Variants in EVC observed in about 807,000 individuals in gnomAD.
EVC encodes the protein evC complex member EVC.
EVC carries 116 observed loss-of-function variants against 118.9 expected under a neutral mutation model. That is an observed-to-expected ratio of 0.98 (90% CI 0.84 to 1.14). EVC has a LOEUF of 1.14. Among genes scored for constraint, EVC ranks in the 50% most tolerant of loss-of-function variants. The pLI is 0.00. For synonymous variants in EVC, 619 were observed against 534.7 expected, an observed-to-expected ratio of 1.16 and a Z score of -2.18; for missense variants, 1,401 against 1,246.4, an observed-to-expected ratio of 1.12 and a Z score of -1.87.
chr4:5,763,554 G>C lies in EVC; in HGVS notation c.1563+7192G>C, dbSNP rs1319600010. On this transcript the variant is annotated intron_variant, in intron 11 of 20. Coordinates refer to ENST00000264956, the MANE Select transcript of EVC (RefSeq NM_153717.3). ...ATGAGCATGGAATGTTCTTCCATTT[G>C]TTTGTATCCTCTTTTATTTCATTGA... Among the ~76,000 whole-genome samples the C allele has an allele frequency of 1.5e-3, 209 of 138,156 alleles. 5 individuals carry two copies. Among genetic ancestry groups the C allele is most frequent in the African/African-American group, 5.3e-3 (192 of 35,926 alleles). The allele number at this position is 138,156 out of a possible 152,430, so 90.6% of individuals were successfully genotyped here. A position where few individuals can be genotyped will look rare whatever the true frequency, so the allele number is the denominator to read the frequency against.
Position 5,795,006 on chromosome 4 carries a change from T to C in EVC, c.1886+1289T>C, listed in dbSNP as rs144876027. 2.4e-3 allele frequency among the ~76,000 whole-genome samples: 364 copies of C among 152,316 alleles called. 1 individual carries two copies. The highest frequency in any genetic ancestry group is 8.5e-3 in the African/African-American group (354 of 41,574). ...CAGTATTTGGTTTTCTGTGTCTACA[T>C]TAATTTCCTTACGATAATGGCTTCC... is the stretch of plus-strand genomic sequence containing the variant. On this transcript the variant is annotated intron_variant, in intron 13 of 20. Coordinates refer to ENST00000264956, the MANE Select transcript of EVC (RefSeq NM_153717.3).
At chr4:5,724,725 A>C (rs1348166880) in intron 2 of EVC, among the ~76,000 whole-genome samples, 1 of 150,098 alleles carries the variant, frequency 6.7e-6, no homozygotes, top group African/African-American at 2.5e-5. Flanking sequence ...ACTTCTTGAA[A>C]CCTTTTCTTC....
At chr4:5,785,518 C>A (rs1223726540) in intron 12 of EVC, among the ~76,000 whole-genome samples, 1 of 152,218 alleles carries the variant, frequency 6.6e-6, no homozygotes, top group East Asian at 1.9e-4. Context: ...CACATGACCA[C>A]TCACAGCTGT....
At chr4:5,827,967 G>A in the EVC span, 1 of 908,596 alleles carries the variant, frequency 1.1e-6, no homozygotes, top group African/African-American at 1.8e-5. Context: ...GTTGTTCAAG[G>A]AAAATAAGGA....
intron 5 of EVC, among the ~76,000 whole-genome samples, chr4:5,741,458 T>C (rs1728559183): frequency 6.6e-6 from 1 of 152,240 alleles, no homozygotes; most frequent in Admixed American, 6.5e-5. Context: ...ACTCAATATT[T>C]GTTGAATACA....
At chr4:5,795,646 C>T (rs1003488359) in intron 13 of EVC, among the ~76,000 whole-genome samples, 3 of 152,146 alleles carry the variant, frequency 2.0e-5, no homozygotes, top group East Asian at 1.9e-4. Context: ...AGTGAGACTC[C>T]ATCTCAAAAA....
chr4:5,804,827 G>A lies in EVC; in HGVS notation c.2547G>A (p.Gln849=), dbSNP rs2152375378. Residue 849 remains glutamine, a synonymous_variant, in exon 17 of 21, where the codon CAG becomes CAA. Transcript: ENST00000264956. ...CAGGTGGCGCTCATGAGACCTCCCA[G>A]GCGGTCCACCAGAGGTGAGGTCCCA... The part of the protein sequence containing the change: ...RTAGGAHETS[Q]AVHQRMLSQQ... The A allele has an allele frequency of 6.2e-7, 1 of 1,614,040 alleles. No homozygotes were observed. The highest frequency in any genetic ancestry group is 1.3e-5 in the African/African-American group (1 of 75,032).
At chr4:5,715,964 G>T (rs982286616) in intron 1 of EVC, among the ~76,000 whole-genome samples, 4 of 152,048 alleles carry the variant, frequency 2.6e-5, no homozygotes, top group African/African-American at 7.2e-5. Flanking sequence ...GTCTGGTCTC[G>T]AACTCCTGAG....
the EVC span, chr4:5,825,033 G>A: frequency 3.0e-6 from 3 of 985,248 alleles, no homozygotes; most frequent in Non-Finnish European, 3.6e-6. This position sits in a 1 kb window ranked among gnomAD's most constrained non-coding sequence, Gnocchi z 4.4. Flanking sequence ...GTTACTTTAT[G>A]GAGTAGTGAG....
Position 5,755,536 on chromosome 4 carries a change from G to T in EVC, c.1465-728G>T, listed in dbSNP as rs906316934. ...GCCCTTCTCTCTCATCTCACCTCCT[G>T]CCCGTAGCATCACCAAAGATCTTAG... On this transcript the variant is annotated intron_variant, in intron 10 of 20. Coordinates refer to ENST00000264956, the MANE Select transcript of EVC (RefSeq NM_153717.3). The surrounding 1 kb of genome is among the most constrained non-coding windows in gnomAD (Gnocchi z 4.1). Among the ~76,000 whole-genome samples the T allele has an allele frequency of 2.0e-5, 3 of 151,978 alleles. No individual in the cohort carries two copies. Among genetic ancestry groups the T allele is most frequent in the Non-Finnish European group, 4.4e-5 (3 of 67,986 alleles).
At chr4:5,751,278 G>C (rs1730321797) in intron 8 of EVC, among the ~76,000 whole-genome samples, 1 of 152,200 alleles carries the variant, frequency 6.6e-6, no homozygotes, top group South Asian at 2.1e-4. Flanking sequence ...GCCACACTCA[G>C]AGCACATCAG....
intron 14 of EVC, 172 bp downstream of exon 14, chr4:5,797,404 A>G (rs992703827): frequency 1.1e-5 from 7 of 650,050 alleles, no homozygotes; most frequent in African/African-American, 1.8e-5. Flanking sequence ...GGCAGCTTAC[A>G]CTGCACACAT....
Position 5,749,378 on chromosome 4 carries a change from G to A in EVC, c.1098+1072G>A, listed in dbSNP as rs1461578749. The stretch of plus-strand genomic sequence containing the variant: ...AAAAAAAAGGTCCCTCCTTATTTTT[G>A]TGAAGCCTGCCAACCACAGATAAGC... On this transcript the variant is annotated intron_variant, in intron 8 of 20. Transcript: ENST00000264956. This position sits in a 1 kb window ranked among gnomAD's most constrained non-coding sequence, Gnocchi z 4.4. Among the ~76,000 whole-genome samples, 1 of 143,806 alleles carries A rather than the reference G, an allele frequency of 7.0e-6. No homozygotes were observed. Among genetic ancestry groups the A allele is most frequent in the Non-Finnish European group, 1.5e-5 (1 of 66,084 alleles). 94.3% of individuals were successfully genotyped at this position (143,806 alleles called of 152,430 possible).
intron 2 of EVC, among the ~76,000 whole-genome samples, chr4:5,721,708 A>T (rs183737773): frequency 1.0e-3 from 154 of 152,222 alleles, no homozygotes; most frequent in Admixed American, 1.9e-3. Context: ...CTCTAGTAAA[A>T]ATACAAAAAT....
At chr4:5,825,739 GGC>G in the EVC span, 1 of 1,478,760 alleles carries the variant, frequency 6.8e-7, no homozygotes, top group African/African-American at 1.4e-5. This position sits in a 1 kb window ranked among gnomAD's most constrained non-coding sequence, Gnocchi z 4.4. Context: ...GAGCCCTGCG[GGC>G]GAGAGAGAAA....
At chr4:5,762,744 G>A (rs1732270868) in intron 11 of EVC, among the ~76,000 whole-genome samples, 2 of 115,074 alleles carry the variant, frequency 1.7e-5, no homozygotes, top group African/African-American at 6.7e-5. Flanking sequence ...CTTTTTGATG[G>A]GGTTGTTTGT....
At chr4:5,732,356 G>A (rs1382505302) in intron 4 of EVC, among the ~76,000 whole-genome samples, 1 of 152,216 alleles carries the variant, frequency 6.6e-6, no homozygotes. Flanking sequence ...CAGAGTTGCT[G>A]CAGAAACACT....
At chr4:5,730,312 T>C (rs922194903) in intron 3 of EVC, among the ~76,000 whole-genome samples, 2 of 152,180 alleles carry the variant, frequency 1.3e-5, no homozygotes, top group African/African-American at 4.8e-5. Context: ...CAAAGCCTAT[T>C]GGAGGTTCTG....
intron 2 of EVC, among the ~76,000 whole-genome samples, chr4:5,720,147 T>G (rs1724702126): frequency 6.6e-6 from 1 of 152,094 alleles, no homozygotes; most frequent in African/African-American, 2.4e-5. Context: ...AGTCACCTCC[T>G]TGTCCCCTAG....
Sources: allele counts gnomAD v4.1 joint callset (sites outside exome capture counted in the v4.1 genomes callset), GRCh38; gene constraint gnomAD v4.1.1; non-coding constraint Gnocchi (gnomAD v3.1); transcripts MANE v1.5; gene names NCBI Gene and HGNC (gene_info 2026-07-23, HGNC 2026-07-21).